The following GALNT13 variants were observed in gnomAD, a reference collection of about 807,000 sequenced individuals.
The protein encoded by GALNT13 is polypeptide N-acetylgalactosaminyltransferase 13.
Under a neutral mutation model 64.2 loss-of-function variants are expected in GALNT13, and 28 were observed. The ratio of observed to expected loss-of-function variants is 0.44; its 90% CI spans 0.32 to 0.60. The LOEUF is 0.60. Among genes scored for constraint, GALNT13 ranks in the 20% least tolerant of loss-of-function variants. The pLI, the probability that GALNT13 is intolerant of heterozygous loss-of-function variation, is 0.05. For synonymous variants in GALNT13, 214 were observed against 224.6 expected, an observed-to-expected ratio of 0.95 and a Z score of 0.42; for missense variants, 577 against 669.8, an observed-to-expected ratio of 0.86 and a Z score of 1.53.
At chr2:153,117,187 G>C in the GALNT13 span, among the ~76,000 whole-genome samples, 1 of 152,110 alleles carries the variant, frequency 6.6e-6, no homozygotes, top group Non-Finnish European at 1.5e-5. Flanking sequence ...ATCTTTGCTT[G>C]AAACACAGGC....
At chr2:154,313,431 TATATATAC>T (rs1417435677) in intron 9 of GALNT13, among the ~76,000 whole-genome samples, 7 of 21,474 alleles carry the variant, frequency 3.3e-4, no homozygotes, top group African/African-American at 2.6e-4. Flanking sequence ...TATATATATA[TATATATAC>T]ACACACACAC....
chr2:153,689,905 T>G, the GALNT13 span, among the ~76,000 whole-genome samples: 83 of 152,196 alleles, frequency 5.5e-4, no homozygotes, highest in Admixed American at 5.9e-4. Flanking sequence ...CTCTTCAGAC[T>G]TCTTTTGTCT....
the GALNT13 span, among the ~76,000 whole-genome samples, chr2:153,424,640 C>T: frequency 6.6e-6 from 1 of 151,792 alleles, no homozygotes; most frequent in Non-Finnish European, 1.5e-5. Flanking sequence ...AACCAGGTCT[C>T]CTATTATCTG....
intron 10 of GALNT13, among the ~76,000 whole-genome samples, chr2:154,397,201 C>T (rs1043725761): frequency 2.0e-5 from 3 of 151,868 alleles, no homozygotes; most frequent in Non-Finnish European, 4.4e-5. Flanking sequence ...TTCGGGAGGC[C>T]AAGGCAGGCG....
chr2:154,062,987 A>G (rs1700273706), intron 3 of GALNT13, among the ~76,000 whole-genome samples: 1 of 152,060 alleles, frequency 6.6e-6, no homozygotes, highest in Non-Finnish European at 1.5e-5. Flanking sequence ...TATAGTGAAC[A>G]GGATTCCTAA....
At chr2:154,272,515 G>C (rs980318895) in intron 8 of GALNT13, among the ~76,000 whole-genome samples, 2 of 151,984 alleles carry the variant, frequency 1.3e-5, no homozygotes, top group African/African-American at 4.8e-5. Context: ...ACCCTTAAAA[G>C]TCTTTATAAT....
the GALNT13 span, among the ~76,000 whole-genome samples, chr2:153,717,145 C>T: frequency 5.8e-4 from 88 of 152,294 alleles, no homozygotes; most frequent in African/African-American, 2.1e-3. Flanking sequence ...ATTCCCCCGA[C>T]ATAAGAGCAT....
chr2:153,603,984 G>A, the GALNT13 span, among the ~76,000 whole-genome samples: 2 of 152,062 alleles, frequency 1.3e-5, no homozygotes, highest in East Asian at 3.9e-4. Context: ...AATACCTTCC[G>A]TGTTTGTTTT....
At chr2:154,327,487 CAG>C (rs1345308979) in intron 9 of GALNT13, among the ~76,000 whole-genome samples, 1 of 152,096 alleles carries the variant, frequency 6.6e-6, no homozygotes, top group Non-Finnish European at 1.5e-5. Context: ...GGTTTGGTGA[CAG>C]AGGGGAACTA....
At chr2:153,185,677 C>G in the GALNT13 span, among the ~76,000 whole-genome samples, 2 of 152,148 alleles carry the variant, frequency 1.3e-5, no homozygotes, top group African/African-American at 4.8e-5. Context: ...CATTAGTTTA[C>G]AAGAACTTCT....
intron 4 of GALNT13, among the ~76,000 whole-genome samples, chr2:154,180,386 T>C (rs1685889234): frequency 6.6e-6 from 1 of 152,034 alleles, no homozygotes; most frequent in African/African-American, 2.4e-5. Flanking sequence ...CTCCTTGCCT[T>C]TTATGGATCT....
the GALNT13 span, among the ~76,000 whole-genome samples, chr2:153,185,345 T>C: frequency 6.6e-6 from 1 of 152,222 alleles, no homozygotes; most frequent in Non-Finnish European, 1.5e-5. Flanking sequence ...AAACATTCTC[T>C]CTTTTATTCT....
intron 9 of GALNT13, among the ~76,000 whole-genome samples, chr2:154,351,609 G>A (rs1370611888): frequency 6.8e-6 from 1 of 146,044 alleles, no homozygotes; most frequent in Non-Finnish European, 1.5e-5. Flanking sequence ...CGTGAACCCT[G>A]GAGGCGGAGT....
At chr2:153,483,439 C>T in the GALNT13 span, among the ~76,000 whole-genome samples, 9 of 88,520 alleles carry the variant, frequency 1.0e-4, no homozygotes, top group African/African-American at 1.3e-4. Context: ...TTTTTTGATA[C>T]GGAGTTTTAC....
chr2:153,631,404 T>A, the GALNT13 span, among the ~76,000 whole-genome samples: 1 of 152,230 alleles, frequency 6.6e-6, no homozygotes, highest in Non-Finnish European at 1.5e-5. Context: ...CCACAATGGT[T>A]GAACTAGTTT....
At chr2:153,646,819 T>G in the GALNT13 span, among the ~76,000 whole-genome samples, 1 of 152,188 alleles carries the variant, frequency 6.6e-6, no homozygotes, top group African/African-American at 2.4e-5. Context: ...CTGCATAGTA[T>G]TCCATGGTGT....
chr2:153,835,735 A>G, the GALNT13 span, among the ~76,000 whole-genome samples: 3 of 152,108 alleles, frequency 2.0e-5, no homozygotes, highest in African/African-American at 7.2e-5. Flanking sequence ...TTTTAGTGCT[A>G]TCACTTCCTG....
chr2:153,401,525 G>A, the GALNT13 span, among the ~76,000 whole-genome samples: 2 of 148,400 alleles, frequency 1.3e-5, no homozygotes, highest in Admixed American at 1.3e-4. Context: ...TGACAGTGGG[G>A]TGTTAAAGTC....
the GALNT13 span, among the ~76,000 whole-genome samples, chr2:153,553,944 T>G: frequency 8.8e-6 from 1 of 113,948 alleles, no homozygotes; most frequent in African/African-American, 3.5e-5. Flanking sequence ...AGGGTGGTTG[T>G]GTGGATGTGA....
Sources: gnomAD v4.1 joint callset for allele counts (sites outside exome capture counted in the v4.1 genomes callset) on GRCh38, gnomAD v4.1.1 for gene constraint, MANE v1.5 for transcripts, NCBI Gene and HGNC (gene_info 2026-07-23, HGNC 2026-07-21) for gene names.